TMTC2: variants seen among roughly 807,000 people sequenced by gnomAD.
TMTC2 encodes protein O-mannosyl-transferase TMTC2.
In TMTC2, 43 loss-of-function variants were observed where a neutral mutation model predicts 82.4. The observed-to-expected ratio is 0.52, with a 90% CI of 0.41 to 0.67. The LOEUF (loss-of-function observed/expected upper bound fraction) is 0.67, where lower values mean the gene tolerates loss of function less well. Among genes scored for constraint, TMTC2 ranks in the 30% least tolerant of loss-of-function variants. TMTC2 has a pLI of 0.00. For synonymous variants in TMTC2, 408 were observed against 381.9 expected (o/e 1.07, Z -0.80); for missense variants, 919 against 1,012.4 (o/e 0.91, Z 1.25).
intron 1 of TMTC2, among the ~76,000 whole-genome samples, chr12:82,755,515 G>T (rs1002258038): frequency 6.6e-6 from 1 of 152,140 alleles, no homozygotes; most frequent in Non-Finnish European, 1.5e-5. Context: ...TTTAAAAGAA[G>T]ACTTTACTTT....
At position 83,005,330 on chromosome 12, in the gene TMTC2, C is replaced by CAA. The variant is rs35332002; in HGVS notation, c.2070+19302_2070+19303dup. Among the ~76,000 whole-genome samples, 268 of 105,668 alleles carry CAA rather than the reference C, an allele frequency of 2.5e-3. 2 individuals carry two copies. Among genetic ancestry groups the CAA allele is most frequent in the Middle Eastern group, 6.0e-3 (1 of 166 alleles). 69.3% of individuals were successfully genotyped at this position (105,668 alleles called of 152,430 possible). A position where few individuals can be genotyped will look rare whatever the true frequency, so the allele number is the denominator to read the frequency against. Reference sequence around the variant, plus strand: ...GGAAACGCAAGGAGACTCTGGTCTCCAAAAAAAAAAAAAAAAAAAGAGTAA... The same window carrying CAA: ...GGAAACGCAAGGAGACTCTGGTCTCCAAAAAAAAAAAAAAAAAAAAAGAGTAA... On this transcript the variant is annotated intron_variant, in intron 8 of 11. Transcript: ENST00000321196.
chr12:83,068,798 G>T (rs1405607272), intron 11 of TMTC2, among the ~76,000 whole-genome samples: 1 of 151,942 alleles, frequency 6.6e-6, no homozygotes, highest in East Asian at 1.9e-4. Context: ...AGATTTTGGT[G>T]AACCCATCAT....
chr12:82,768,158 A>G (rs1877081524), intron 1 of TMTC2, among the ~76,000 whole-genome samples: 1 of 152,210 alleles, frequency 6.6e-6, no homozygotes, highest in African/African-American at 2.4e-5. Flanking sequence ...TACAGTTGAA[A>G]GATGCTAGAA....
chr12:83,068,963 G>A (rs1883015091), intron 11 of TMTC2, among the ~76,000 whole-genome samples: 3 of 152,022 alleles, frequency 2.0e-5, no homozygotes, highest in Admixed American at 6.6e-5. Flanking sequence ...ACGATGTTTG[G>A]TTTTCCATTC....
chr12:83,047,787 C>G (rs1882197708), intron 9 of TMTC2, among the ~76,000 whole-genome samples: 3 of 152,066 alleles, frequency 2.0e-5, no homozygotes, highest in Admixed American at 2.0e-4. Flanking sequence ...CATGGCAAAG[C>G]TAATTTAAAA....
At chr12:82,875,120 G>A (rs1347064662) in intron 2 of TMTC2, among the ~76,000 whole-genome samples, 10 of 152,152 alleles carry the variant, frequency 6.6e-5, no homozygotes, top group Non-Finnish European at 1.5e-4. Context: ...GTTCTGGGCT[G>A]TAGTTTGCTG....
chr12:83,058,251 T>C (rs1321894870), intron 10 of TMTC2, among the ~76,000 whole-genome samples: 1 of 151,904 alleles, frequency 6.6e-6, no homozygotes, highest in Non-Finnish European at 1.5e-5. Flanking sequence ...GTTTTGTTAT[T>C]GTCTGTTTGC....
chr12:83,080,074 T>G (rs1007451361), intron 11 of TMTC2, among the ~76,000 whole-genome samples: 5 of 152,198 alleles, frequency 3.3e-5, no homozygotes, highest in African/African-American at 1.2e-4. Context: ...CATTATCATT[T>G]TATTTTCCAG....
intron 10 of TMTC2, among the ~76,000 whole-genome samples, chr12:83,055,626 T>G (rs1253037589): frequency 6.6e-6 from 1 of 151,950 alleles, no homozygotes; most frequent in Admixed American, 6.6e-5. Flanking sequence ...ATGAAGATAC[T>G]TGATATCTGA....
chr12:83,032,733 T>G (rs1881492419), intron 9 of TMTC2, among the ~76,000 whole-genome samples: 2 of 151,520 alleles, frequency 1.3e-5, no homozygotes, highest in Admixed American at 1.3e-4. Flanking sequence ...TTATTTTTTT[T>G]TATTTTTAGT....
intron 1 of TMTC2, among the ~76,000 whole-genome samples, chr12:82,775,104 A>T (rs1300237345): frequency 6.6e-6 from 1 of 152,196 alleles, no homozygotes; most frequent in Non-Finnish European, 1.5e-5. Context: ...ACAATGAAAA[A>T]AATTAAAGCA....
intron 11 of TMTC2, among the ~76,000 whole-genome samples, chr12:83,066,539 C>T (rs191394674): frequency 7.9e-5 from 12 of 151,502 alleles, no homozygotes; most frequent in Middle Eastern, 3.4e-3. Context: ...TTTAGAGTGG[C>T]GATTTATATG....
chr12:83,059,512 A>G (rs1447937659), intron 10 of TMTC2, among the ~76,000 whole-genome samples: 6 of 151,780 alleles, frequency 4.0e-5, no homozygotes, highest in African/African-American at 9.7e-5. Context: ...GCAAGGTCCT[A>G]GAGGGAAAAT....
chr12:82,974,262 G>GA (rs541913942), intron 7 of TMTC2, among the ~76,000 whole-genome samples: 21 of 151,568 alleles, frequency 1.4e-4, no homozygotes, highest in East Asian at 1.4e-3. Flanking sequence ...ATAAATAAAT[G>GA]AAAAAAAAGT....
intron 11 of TMTC2, among the ~76,000 whole-genome samples, chr12:83,126,879 A>G (rs1289710020): frequency 6.6e-6 from 1 of 152,144 alleles, no homozygotes; most frequent in Non-Finnish European, 1.5e-5. Context: ...TGTATAAGGC[A>G]CAAATAAATA....
chr12:83,094,093 T>G (rs966075788), intron 11 of TMTC2, among the ~76,000 whole-genome samples: 1 of 152,224 alleles, frequency 6.6e-6, no homozygotes, highest in Non-Finnish European at 1.5e-5. Flanking sequence ...TGTCTGCCTT[T>G]GAGGAGCACA....
chr12:82,788,826 TTC>T (rs1303226072), intron 1 of TMTC2, among the ~76,000 whole-genome samples: 1 of 152,102 alleles, frequency 6.6e-6, no homozygotes, highest in Non-Finnish European at 1.5e-5. Flanking sequence ...CCTGCAGCTT[TTC>T]TCTCTCTTCA....
chr12:82,970,019 G>T (rs1053549338), intron 7 of TMTC2, among the ~76,000 whole-genome samples: 1 of 152,202 alleles, frequency 6.6e-6, no homozygotes, highest in Non-Finnish European at 1.5e-5. Context: ...CTCCTAGCCA[G>T]TTGTGTGACT....
chr12:83,126,682 G>A (rs1260442082), intron 11 of TMTC2, among the ~76,000 whole-genome samples: 1 of 151,870 alleles, frequency 6.6e-6, no homozygotes, highest in African/African-American at 2.4e-5. Context: ...ATGGGTGGGG[G>A]GGCAAGGAAT....
Sources: allele counts gnomAD v4.1 joint callset (sites outside exome capture counted in the v4.1 genomes callset), GRCh38; gene constraint gnomAD v4.1.1; transcripts MANE v1.5; gene names NCBI Gene and HGNC (gene_info 2026-07-23, HGNC 2026-07-21).